Variants in GRB14 observed in about 807,000 individuals in gnomAD.
GRB14 encodes growth factor receptor-bound protein 14.
In GRB14, 38 loss-of-function variants were observed where a neutral mutation model predicts 69.1. The observed-to-expected ratio is 0.55, with a 90% CI of 0.42 to 0.72. The LOEUF (loss-of-function observed/expected upper bound fraction) is 0.72. Among genes scored for constraint, GRB14 ranks in the 30% least tolerant of loss-of-function variants. The pLI is 0.00. For synonymous variants in GRB14, 247 were observed against 241.3 expected, an observed-to-expected ratio of 1.02 and a Z score of -0.22; for missense variants, 666 against 666.1, an observed-to-expected ratio of 1.00 and a Z score of 0.00.
At chr2:164,508,949 C>G in intron 6 of GRB14, 97 bp from the exon 7 acceptor site, 1 of 661,394 alleles carries the variant, frequency 1.5e-6, no homozygotes, top group Non-Finnish European at 2.3e-6. Context: ...AAACTTATGA[C>G]CAACAGAAGT....
intron 3 of GRB14, among the ~76,000 whole-genome samples, chr2:164,537,546 C>A (rs1365409914): frequency 6.6e-6 from 1 of 152,012 alleles, no homozygotes; most frequent in Admixed American, 6.6e-5. Flanking sequence ...GACCTTGGAT[C>A]CAAATGCAAA....
In GRB14 at chr2:164,521,969, C is replaced by T. The variant is rs775043444; in HGVS notation, c.816+11G>A. 46 of 1,591,684 alleles carry T rather than the reference C, an allele frequency of 2.9e-5. No individual in the cohort carries two copies. Among genetic ancestry groups the T allele is most frequent in the Non-Finnish European group, 1.7e-6 (2 of 1,165,922 alleles). ...TGTCAGTCATAACACATCATGGATA[C>T]TTCAATTTACCTTTGATGTTCCTTT... On this transcript the variant is annotated intron_variant, in intron 6 of 13. Transcript: ENST00000263915.
Position 164,579,605 on chromosome 2 carries a change from G to T in GRB14, c.325-31789C>A, listed in dbSNP as rs369852313. Among the ~76,000 whole-genome samples the T allele has an allele frequency of 2.2e-4, 34 of 152,098 alleles. No individual in the cohort carries two copies. In the East Asian group the frequency reaches 4.8e-3, roughly 22 times the overall value. On this transcript the variant is annotated intron_variant, in intron 2 of 13. Transcript: ENST00000263915. Reference sequence around the variant, plus strand: ...CCTGCACATCTTTGGGAAGTGGGGGGAAATGAGTCTCTGGAGAGAACCCAC... The same window carrying T: ...CCTGCACATCTTTGGGAAGTGGGGGTAAATGAGTCTCTGGAGAGAACCCAC...
intron 2 of GRB14, among the ~76,000 whole-genome samples, chr2:164,551,069 G>A (rs1574299478): frequency 6.6e-6 from 1 of 152,158 alleles, no homozygotes; most frequent in African/African-American, 2.4e-5. Context: ...CATGATGGAA[G>A]TATTTATATG....
At chr2:164,546,688 T>G (rs963648915) in intron 3 of GRB14, among the ~76,000 whole-genome samples, 1 of 152,242 alleles carries the variant, frequency 6.6e-6, no homozygotes, top group African/African-American at 2.4e-5. Flanking sequence ...TTGGGTTCCC[T>G]GGCAGAAGAT....
intron 8 of GRB14, among the ~76,000 whole-genome samples, chr2:164,503,040 G>A (rs1421095145): frequency 3.3e-5 from 5 of 151,752 alleles, no homozygotes; most frequent in African/African-American, 1.2e-4. Flanking sequence ...TTGGAAAACC[G>A]GTCTGGATTA....
At chr2:164,541,873 G>A (rs112478515) in intron 3 of GRB14, among the ~76,000 whole-genome samples, 7,250 of 152,016 alleles carry the variant, frequency 0.048, 569 homozygotes, top group African/African-American at 0.16. Flanking sequence ...TCCTCCCCTA[G>A]TAGCCCCCAG....
intron 2 of GRB14, among the ~76,000 whole-genome samples, chr2:164,615,188 T>C (rs1351479186): frequency 6.6e-6 from 1 of 152,148 alleles, no homozygotes; most frequent in Non-Finnish European, 1.5e-5. Context: ...GACATACTCA[T>C]TTTCTTGTGT....
chr2:164,610,549 T>A (rs994307403), intron 2 of GRB14, among the ~76,000 whole-genome samples: 8 of 152,038 alleles, frequency 5.3e-5, no homozygotes, highest in African/African-American at 1.7e-4. Context: ...GAAAAAATTT[T>A]AAAAAATAAA....
At chr2:164,596,239 A>G (rs961391393) in intron 2 of GRB14, among the ~76,000 whole-genome samples, 4 of 152,244 alleles carry the variant, frequency 2.6e-5, no homozygotes, top group Non-Finnish European at 4.4e-5. Context: ...AGTCTTTCCC[A>G]AACACAAGTG....
At chr2:164,596,171 G>A (rs529590335) in intron 2 of GRB14, among the ~76,000 whole-genome samples, 22 of 152,194 alleles carry the variant, frequency 1.4e-4, no homozygotes, top group East Asian at 7.7e-4. Context: ...GTACTTAAAC[G>A]TGAACCCCCA....
At chr2:164,606,577 C>A (rs1249955210) in intron 2 of GRB14, among the ~76,000 whole-genome samples, 1 of 152,094 alleles carries the variant, frequency 6.6e-6, no homozygotes, top group African/African-American at 2.4e-5. Context: ...AAGGTGCAGG[C>A]ATGGTTTTGT....
At chr2:164,608,603 AAAG>A (rs1690095796) in intron 2 of GRB14, among the ~76,000 whole-genome samples, 1 of 151,972 alleles carries the variant, frequency 6.6e-6, no homozygotes, top group Non-Finnish European at 1.5e-5. Flanking sequence ...AAAAAGAAAA[AAAG>A]TTAAATTAAT....
chr2:164,518,816 A>T (rs1687558472), intron 6 of GRB14, among the ~76,000 whole-genome samples: 1 of 151,740 alleles, frequency 6.6e-6, no homozygotes, highest in African/African-American at 2.4e-5. Flanking sequence ...AGATTAAGCC[A>T]GGAAGACATA....
intron 3 of GRB14, among the ~76,000 whole-genome samples, chr2:164,543,111 G>A (rs1688280357): frequency 6.6e-6 from 1 of 151,882 alleles, no homozygotes; most frequent in East Asian, 1.9e-4. Context: ...TGGCCAACAT[G>A]GTGAAACCCC....
chr2:164,496,779 C>T (rs551160), intron 12 of GRB14, among the ~76,000 whole-genome samples: 147,027 of 152,256 alleles, frequency 0.97, 71,000 homozygotes, highest in East Asian at 1. Context: ...GAACAAGATA[C>T]TCTATTCCGT....
At chr2:164,573,602 A>G (rs1689170290) in intron 2 of GRB14, 4 of 1,243,566 alleles carry the variant, frequency 3.2e-6, no homozygotes, top group Non-Finnish European at 4.5e-6. Context: ...CCTTTATATA[A>G]TAGTTTTATT....
In GRB14 at chr2:164,508,450, AT is replaced by A. The variant is rs752250119; in HGVS notation, c.1023+4del. On this transcript the variant is annotated splice_donor_region_variant and intron_variant, in intron 8 of 13. Coordinates refer to ENST00000263915, the MANE Select transcript of GRB14 (RefSeq NM_004490.3). ...AATAGAAATTCATGCCTCCGGCGAG[AT>A]TACCTTAAGCAATCTAATCGCGGTC... The A allele has an allele frequency of 6.2e-7, 1 of 1,612,160 alleles. No homozygotes were observed. Among genetic ancestry groups the A allele is most frequent in the Non-Finnish European group, 8.5e-7 (1 of 1,178,376 alleles).
chr2:164,581,472 A>C (rs1384064667), intron 2 of GRB14, among the ~76,000 whole-genome samples: 1 of 152,120 alleles, frequency 6.6e-6, no homozygotes, highest in African/African-American at 2.4e-5. Context: ...CAAAAACCAA[A>C]CCAGGAGTCA....
Sources: allele counts gnomAD v4.1 joint callset (sites outside exome capture counted in the v4.1 genomes callset), GRCh38; gene constraint gnomAD v4.1.1; transcripts MANE v1.5; gene names NCBI Gene and HGNC (gene_info 2026-07-23, HGNC 2026-07-21).